CWF19L1: variants seen among roughly 807,000 people sequenced by gnomAD.
CWF19L1 encodes CWF19-like protein 1.
CWF19L1 carries 60 observed loss-of-function variants against 69.7 expected under a neutral mutation model. The ratio of observed to expected loss-of-function variants is 0.86; its 90% CI spans 0.70 to 1.07. The LOEUF is 1.07. Ranked by LOEUF, CWF19L1 falls within the 50% of genes least tolerant of loss-of-function variation. The pLI is 0.00. For synonymous variants in CWF19L1, 209 were observed against 222.2 expected, an observed-to-expected ratio of 0.94 and a Z score of 0.53; for missense variants, 591 against 638.9, an observed-to-expected ratio of 0.92 and a Z score of 0.81.
At chr10:100,245,436 T>C (rs1846782890) in intron 9 of CWF19L1, among the ~76,000 whole-genome samples, 1 of 152,148 alleles carries the variant, frequency 6.6e-6, no homozygotes, top group Non-Finnish European at 1.5e-5. Flanking sequence ...CACTCTCAAG[T>C]AGATGGGCTA....
chr10:100,249,980 T>C (rs984963916), intron 7 of CWF19L1: 23 of 444,046 alleles, frequency 5.2e-5, no homozygotes, highest in Non-Finnish European at 6.5e-5. Flanking sequence ...GACAACCACA[T>C]AGATGTGGAA....
chr10:100,255,221 T>C (rs995662103), intron 5 of CWF19L1, among the ~76,000 whole-genome samples: 15 of 152,222 alleles, frequency 9.9e-5, no homozygotes, highest in African/African-American at 3.4e-4. Context: ...AGATTACTCA[T>C]AAAATATTAA....
chr10:100,240,273 T>G (rs1846596203), intron 10 of CWF19L1, among the ~76,000 whole-genome samples: 1 of 152,152 alleles, frequency 6.6e-6, no homozygotes, highest in Non-Finnish European at 1.5e-5. Flanking sequence ...TACTAATCTG[T>G]GGCTATGGAC....
intron 7 of CWF19L1, among the ~76,000 whole-genome samples, chr10:100,249,738 C>T (rs2134298432): frequency 6.6e-6 from 1 of 152,274 alleles, no homozygotes; most frequent in African/African-American, 2.4e-5. Flanking sequence ...GTGCCCCCCA[C>T]CACACCTGGC....
chr10:100,239,181 T>G (rs1490584957), intron 10 of CWF19L1, among the ~76,000 whole-genome samples: 1 of 152,146 alleles, frequency 6.6e-6, no homozygotes, highest in Non-Finnish European at 1.5e-5. Flanking sequence ...AAGAATGATT[T>G]CCAACAATGG....
intron 3 of CWF19L1, 29 bp from the exon 4 acceptor site, chr10:100,260,348 A>G: frequency 4.0e-6 from 5 of 1,260,516 alleles, no homozygotes; most frequent in Non-Finnish European, 5.8e-6. Flanking sequence ...ATGACACCAT[A>G]TAGTTACCAG....
At chr10:100,248,611 C>T in intron 7 of CWF19L1, 1 of 745,550 alleles carries the variant, frequency 1.3e-6, no homozygotes, top group Non-Finnish European at 2.5e-6. Context: ...TAAGCGTGTG[C>T]TGCTGTCCAT....
intron 9 of CWF19L1, among the ~76,000 whole-genome samples, chr10:100,245,328 C>T (rs1846779114): frequency 6.6e-6 from 1 of 151,856 alleles, no homozygotes; most frequent in African/African-American, 2.4e-5. Flanking sequence ...CCAAGAATAT[C>T]AACGCTTTTA....
chr10:100,256,685 C>A (rs528167857), intron 4 of CWF19L1, among the ~76,000 whole-genome samples: 3 of 152,124 alleles, frequency 2.0e-5, no homozygotes, highest in African/African-American at 4.8e-5. Context: ...AACAGCCCTA[C>A]GTGGAGGCTG....
intron 1 of CWF19L1, chr10:100,262,594 G>C: frequency 2.6e-6 from 1 of 383,278 alleles, no homozygotes; most frequent in Non-Finnish European, 3.6e-6. Context: ...GGAAGACTCA[G>C]TTTAAGCCTC....
intron 1 of CWF19L1, among the ~76,000 whole-genome samples, chr10:100,266,117 A>C (rs1346492049): frequency 6.6e-6 from 1 of 152,048 alleles, no homozygotes; most frequent in African/African-American, 2.4e-5. Flanking sequence ...TCCTATCATT[A>C]AGCCAAATAC....
At chr10:100,264,938 T>C (rs1406656473) in intron 1 of CWF19L1, among the ~76,000 whole-genome samples, 2 of 151,646 alleles carry the variant, frequency 1.3e-5, no homozygotes, top group African/African-American at 4.9e-5. Context: ...CTGGGTAACA[T>C]AGCAAAACCC....
chr10:100,250,107 T>C (rs1846972631), intron 7 of CWF19L1, 141 bp downstream of exon 7: 1 of 680,202 alleles, frequency 1.5e-6, no homozygotes, highest in African/African-American at 1.8e-5. Context: ...TTCATTACCA[T>C]ACCTTTACAA....
At chr10:100,235,945 A>G (rs544132619) in intron 12 of CWF19L1, among the ~76,000 whole-genome samples, 181 bp from the exon 13 acceptor site, 1 of 152,328 alleles carries the variant, frequency 6.6e-6, no homozygotes, top group African/African-American at 2.4e-5. Flanking sequence ...AGATACTAAC[A>G]ATATCCTCCC....
At chr10:100,248,165 T>G (rs776130465) in intron 7 of CWF19L1, 38 of 595,016 alleles carry the variant, frequency 6.4e-5, no homozygotes, top group Non-Finnish European at 1.1e-4. Flanking sequence ...AAATCTACAT[T>G]TGCTAAGAAT....
intron 3 of CWF19L1, among the ~76,000 whole-genome samples, 165 bp from the exon 4 acceptor site, chr10:100,260,484 T>A (rs1249804281): frequency 6.6e-6 from 1 of 152,172 alleles, no homozygotes; most frequent in African/African-American, 2.4e-5. Context: ...CCACTAAGGA[T>A]ATACTACACC....
Position 100,238,213 on chromosome 10 carries a change from T to C in CWF19L1, c.1063A>G (p.Lys355Glu), listed in dbSNP as rs1176487325. The C allele has an allele frequency of 3.1e-6, 5 of 1,614,158 alleles. No homozygotes were observed. Among genetic ancestry groups the C allele is most frequent in the Non-Finnish European group, 4.2e-6 (5 of 1,180,016 alleles). ...ACATGGTCATCAGATAAGCCTCCTT[T>C]GGCCAGGGCAAGGTAGCACTGAAGA... ...IGTHCYLALA[K>E]GGLSDDHVLI... The change falls in exon 11 of 14, where the codon AAA (lysine) becomes GAA (glutamate). Residue 355 changes from lysine (K) to glutamate (E), a missense_variant. Lys to Glu is a moderately conservative substitution (Grantham distance 56, BLOSUM62 1). Around this residue, in one of 3 missense-constraint regions of CWF19L1, gnomAD observed 458 missense variants for 489.3 expected, o/e 0.94. Transcript: ENST00000354105.
chr10:100,245,371 G>A (rs1013149517), intron 9 of CWF19L1, among the ~76,000 whole-genome samples: 1 of 152,044 alleles, frequency 6.6e-6, no homozygotes, highest in Non-Finnish European at 1.5e-5. Flanking sequence ...ACAGAAGACT[G>A]CCTTTTTAGG....
Position 100,233,273 on chromosome 10 carries a change from C to T in CWF19L1, c.1571G>A (p.Arg524His), listed in dbSNP as rs375717897. Reference protein sequence around the residue: ...SKEDEETLARRFRKDFEPYDF... With the variant: ...SKEDEETLARHFRKDFEPYDF... The stretch of plus-strand genomic sequence containing the variant: ...ATAGGGCTCAAAGTCTTTCCGGAAG[C>T]GGCGAGCCAGGGTCTCCTCGTCTTC... Residue 524 changes from arginine to histidine, a missense_variant, in exon 14 of 14, where the codon CGC becomes CAC. Around this residue, in one of 3 missense-constraint regions of CWF19L1, gnomAD observed 458 missense variants for 489.3 expected, o/e 0.94. Transcript: ENST00000354105. The T allele has an allele frequency of 3.5e-5, 56 of 1,613,572 alleles. No homozygotes were observed. Among genetic ancestry groups the T allele is most frequent in the East Asian group, 6.7e-5 (3 of 44,876 alleles).
Sources: gnomAD v4.1 joint callset for allele counts (sites outside exome capture counted in the v4.1 genomes callset) on GRCh38, gnomAD v4.1.1 for gene constraint, gnomAD v4.1.1 regional missense constraint, MANE v1.5 for transcripts, NCBI Gene and HGNC (gene_info 2026-07-23, HGNC 2026-07-21) for gene names.